Variants in HDAC9 observed in about 807,000 individuals in gnomAD.
HDAC9 encodes the protein histone deacetylase 9.
In HDAC9, 41 loss-of-function variants were observed where a neutral mutation model predicts 139.4. The ratio of observed to expected loss-of-function variants is 0.29; its 90% CI spans 0.23 to 0.38. The LOEUF (loss-of-function observed/expected upper bound fraction) is 0.38. HDAC9 is among the 10% of genes least tolerant of loss of function. The pLI, the probability that HDAC9 is intolerant of heterozygous loss-of-function variation, is 1.00. For missense variants in HDAC9, 1,147 were observed against 1,297.0 expected (o/e 0.88, Z 1.78); for synonymous variants, 517 against 476.2 (o/e 1.09, Z -1.12).
At chr7:18,900,304 A>G (rs1801580841) in intron 22 of HDAC9, among the ~76,000 whole-genome samples, 3 of 152,162 alleles carry the variant, frequency 2.0e-5, no homozygotes, top group Admixed American at 2.0e-4. Context: ...GGAAAACTCT[A>G]GGGTGCTTCT....
intron 1 of HDAC9, chr7:18,327,806 T>G (rs1800577284): frequency 6.6e-6 from 1 of 152,018 alleles, no homozygotes; most frequent in Non-Finnish European, 1.5e-5. Flanking sequence ...ACTTCCTGAT[T>G]TTAATTACAT....
At chr7:18,134,961 G>A (rs969720401) in intron 1 of HDAC9, among the ~76,000 whole-genome samples, 3 of 152,058 alleles carry the variant, frequency 2.0e-5, no homozygotes, top group African/African-American at 4.8e-5. Context: ...GTCAGTTTAC[G>A]AATATTCACT....
intron 6 of HDAC9, among the ~76,000 whole-genome samples, chr7:18,627,020 T>C (rs897444659): frequency 6.6e-6 from 1 of 152,176 alleles, no homozygotes; most frequent in Non-Finnish European, 1.5e-5. Context: ...ACCAATAATA[T>C]GTTTCATAAA....
At chr7:18,571,168 C>T (rs1037638294) in intron 2 of HDAC9, among the ~76,000 whole-genome samples, 3 of 152,274 alleles carry the variant, frequency 2.0e-5, no homozygotes, top group East Asian at 1.9e-4. Context: ...AATGTTTTAA[C>T]GTTCAATTTT....
intron 21 of HDAC9, among the ~76,000 whole-genome samples, chr7:18,839,769 T>C (rs1796470484): frequency 6.6e-6 from 1 of 152,210 alleles, no homozygotes; most frequent in Admixed American, 6.6e-5. Context: ...TCTGTTTCAA[T>C]CATTTCAAAA....
chr7:18,627,089 A>G (rs1841917347), intron 6 of HDAC9, among the ~76,000 whole-genome samples: 2 of 152,216 alleles, frequency 1.3e-5, no homozygotes, highest in African/African-American at 4.8e-5. Flanking sequence ...CTAATTGGAA[A>G]GGCTTTAAGC....
At chr7:18,208,303 C>T (rs1791685738) in intron 2 of HDAC9, among the ~76,000 whole-genome samples, 1 of 152,056 alleles carries the variant, frequency 6.6e-6, no homozygotes, top group Admixed American at 6.5e-5. Flanking sequence ...AAATGACTCC[C>T]CTAATCTGAA....
At chr7:18,818,353 T>C (rs7797015) in intron 17 of HDAC9, among the ~76,000 whole-genome samples, 3,395 of 152,336 alleles carry the variant, frequency 0.022, 53 homozygotes, top group Non-Finnish European at 0.036. Context: ...GGCAGTTATA[T>C]TATACATAAA....
intron 6 of HDAC9, among the ~76,000 whole-genome samples, chr7:18,625,716 G>A (rs1282526831): frequency 2.0e-5 from 3 of 151,948 alleles, no homozygotes; most frequent in Non-Finnish European, 4.4e-5. Context: ...AGGCCGAGGC[G>A]AGTGGATCAC....
At chr7:18,198,561 C>A (rs544975897) in intron 2 of HDAC9, among the ~76,000 whole-genome samples, 3 of 152,232 alleles carry the variant, frequency 2.0e-5, no homozygotes, top group South Asian at 4.1e-4. Flanking sequence ...TCACAATATC[C>A]ATTTTTAATT....
chr7:18,953,452 A>G (rs1284135658), intron 23 of HDAC9, among the ~76,000 whole-genome samples: 1 of 152,096 alleles, frequency 6.6e-6, no homozygotes, highest in Non-Finnish European at 1.5e-5. Context: ...CATTTCTTGC[A>G]AAGCAATGCT....
chr7:18,907,421 A>T (rs913213132), intron 22 of HDAC9, among the ~76,000 whole-genome samples: 1 of 152,222 alleles, frequency 6.6e-6, no homozygotes, highest in Non-Finnish European at 1.5e-5. Context: ...ATGACTTTTT[A>T]AAGAGGGGCA....
At chr7:18,856,834 A>G (rs1395232841) in intron 21 of HDAC9, among the ~76,000 whole-genome samples, 2 of 152,136 alleles carry the variant, frequency 1.3e-5, no homozygotes, top group African/African-American at 2.4e-5. Context: ...TGTCACCTCA[A>G]TTCATTCCCG....
At chr7:18,261,109 C>T (rs925294046) in intron 2 of HDAC9, among the ~76,000 whole-genome samples, 9 of 151,566 alleles carry the variant, frequency 5.9e-5, no homozygotes, top group African/African-American at 2.2e-4. Flanking sequence ...TTGAGACCAG[C>T]CCGGGCAACA....
At position 18,997,643 on chromosome 7, in the gene HDAC9, G is replaced by C. The variant is rs758884920; in HGVS notation, c.*1581G>C. The C allele has an allele frequency of 6.6e-6, 1 of 152,100 alleles. No individual in the cohort carries two copies. The highest frequency in any genetic ancestry group is 1.5e-5 in the Non-Finnish European group (1 of 67,974). The allele number at this position is 152,100 out of a possible 1,614,324, so 9.4% of individuals were successfully genotyped here. A position where few individuals can be genotyped will look rare whatever the true frequency, so the allele number is the denominator to read the frequency against. The stretch of plus-strand genomic sequence containing the variant: ...AAACCTTAATTAAAACAAGGTTTTA[G>C]GGAAGGCCATGATATGAAAGATATG... On this transcript the variant is annotated 3_prime_UTR_variant, in exon 26 of 26. Transcript: ENST00000686413.
intron 1 of HDAC9, among the ~76,000 whole-genome samples, chr7:18,371,838 C>G (rs1174902149): frequency 6.6e-6 from 1 of 152,144 alleles, no homozygotes; most frequent in Non-Finnish European, 1.5e-5. Flanking sequence ...GGTTAACTTG[C>G]CTTGCAGTGG....
chr7:18,754,702 G>T (rs1788729522), intron 14 of HDAC9, among the ~76,000 whole-genome samples: 1 of 152,090 alleles, frequency 6.6e-6, no homozygotes. Context: ...GCAAAACCAA[G>T]CTACTGTTGT....
At chr7:18,288,171 T>A (rs990451582), upstream of HDAC9, among the ~76,000 whole-genome samples, 18 of 152,314 alleles carry the variant, frequency 1.2e-4, no homozygotes, top group Admixed American at 1.1e-3. Context: ...ACAGTGCAGC[T>A]CCATCAGTGC....
chr7:18,151,098 C>G (rs1185064519), intron 1 of HDAC9, among the ~76,000 whole-genome samples: 1 of 151,898 alleles, frequency 6.6e-6, no homozygotes, highest in Non-Finnish European at 1.5e-5. Context: ...AATATAAAAG[C>G]AAAGGCTGTA....
Sources: allele counts gnomAD v4.1 joint callset (sites outside exome capture counted in the v4.1 genomes callset), GRCh38; gene constraint gnomAD v4.1.1; transcripts MANE v1.5; gene names NCBI Gene and HGNC (gene_info 2026-07-23, HGNC 2026-07-21).